The following EMB variants were observed in gnomAD, a reference collection of about 807,000 sequenced individuals.
The protein encoded by EMB is embigin, also known as embigin homolog.
Under a neutral mutation model 41.4 loss-of-function variants are expected in EMB, and 31 were observed. The ratio of observed to expected loss-of-function variants is 0.75; its 90% confidence interval spans 0.56 to 1.01. EMB has a LOEUF of 1.01. Ranked by LOEUF, EMB falls within the 50% of genes least tolerant of loss-of-function variation. The pLI, the probability that EMB is intolerant of heterozygous loss-of-function variation, is 0.00. For missense variants in EMB, 379 were observed against 388.3 expected, an observed-to-expected ratio of 0.98 and a Z score of 0.20; for synonymous variants, 137 against 140.4, an observed-to-expected ratio of 0.98 and a Z score of 0.17.
At position 50,410,876 on chromosome 5, in the gene EMB, C is replaced by A. The variant is rs773161923; in HGVS notation, c.472+1G>T. On this transcript the variant is annotated splice_donor_variant, in intron 4 of 8. Coordinates refer to ENST00000303221, the MANE Select transcript of EMB (RefSeq NM_198449.3). LOFTEE classifies it high-confidence loss of function. ...CTATTCCTCAAGTTATTAATACTGA[C>A]CTTTGAAATTAAATGTTCCCCTTTG... is the stretch of plus-strand genomic sequence containing the variant. 13 of 1,572,220 alleles carry A rather than the reference C, an allele frequency of 8.3e-6. No homozygotes were observed. Among genetic ancestry groups the A allele is most frequent in the Non-Finnish European group, 1.1e-5 (13 of 1,153,952 alleles).
intron 2 of EMB, among the ~76,000 whole-genome samples, chr5:50,420,395 G>A (rs953636472): frequency 1.3e-5 from 2 of 152,154 alleles, no homozygotes; most frequent in Non-Finnish European, 2.9e-5. Flanking sequence ...ATGTCTCATG[G>A]TATCAACTTC....
At chr5:50,403,893 G>A (rs1286095375) in intron 5 of EMB, among the ~76,000 whole-genome samples, 5 of 151,748 alleles carry the variant, frequency 3.3e-5, no homozygotes, top group African/African-American at 7.3e-5. Flanking sequence ...AAGGAAAATC[G>A]CTCACTCAGA....
Position 50,398,887 on chromosome 5 carries a change from A to T in EMB, c.*386T>A, listed in dbSNP as rs1361514000. 1 of 156,124 alleles carries T rather than the reference A, an allele frequency of 6.4e-6. No individual in the cohort carries two copies. The highest frequency in any genetic ancestry group is 2.4e-5 in the African/African-American group (1 of 41,646). 9.7% of individuals were successfully genotyped at this position (156,124 alleles called of 1,614,324 possible). ...TAAGTATGATTTTTTTTTAAAAAAT[A>T]ACTTTCTAAGACAAATGGCAAAGGC... On this transcript the variant is annotated 3_prime_UTR_variant, in exon 9 of 9. Transcript: ENST00000303221.
chr5:50,426,252 C>G (rs1354863633), intron 2 of EMB, among the ~76,000 whole-genome samples: 1 of 152,210 alleles, frequency 6.6e-6, no homozygotes, highest in Non-Finnish European at 1.5e-5. Context: ...TGATCCTGGT[C>G]AGTTCACTTC....
chr5:50,438,403 T>A (rs1030354165), intron 1 of EMB, among the ~76,000 whole-genome samples: 1 of 152,096 alleles, frequency 6.6e-6, no homozygotes, highest in African/African-American at 2.4e-5. Flanking sequence ...CTGAGATGAA[T>A]TTTGAAAGGT....
At chr5:50,435,501 C>T (rs1319855089) in intron 1 of EMB, among the ~76,000 whole-genome samples, 2 of 152,148 alleles carry the variant, frequency 1.3e-5, no homozygotes, top group Non-Finnish European at 2.9e-5. Context: ...AACCTTGACA[C>T]TTTTTAAAAT....
chr5:50,403,954 G>A (rs1561130886), intron 5 of EMB, among the ~76,000 whole-genome samples: 1 of 151,830 alleles, frequency 6.6e-6, no homozygotes, highest in Non-Finnish European at 1.5e-5. Flanking sequence ...CAGGCTTTTG[G>A]AGCTGATGTA....
intron 2 of EMB, chr5:50,412,112 C>T (rs924243394): frequency 2.0e-5 from 3 of 151,796 alleles, no homozygotes; most frequent in Non-Finnish European, 2.9e-5. Context: ...TAAACTTGTA[C>T]CTAAAAAGTA....
At chr5:50,439,717 G>C (rs1450369193) in intron 1 of EMB, among the ~76,000 whole-genome samples, 1 of 152,042 alleles carries the variant, frequency 6.6e-6, no homozygotes, top group Non-Finnish European at 1.5e-5. Flanking sequence ...CGTTTTAAAA[G>C]GCATTTATAA....
At chr5:50,408,130 A>C (rs931803906) in intron 4 of EMB, among the ~76,000 whole-genome samples, 12 of 152,022 alleles carry the variant, frequency 7.9e-5, no homozygotes, top group Non-Finnish European at 1.2e-4. Flanking sequence ...AGGGGAAGAC[A>C]GATAGTTGAG....
chr5:50,417,649 T>C (rs1361882883), intron 2 of EMB, among the ~76,000 whole-genome samples: 1 of 152,206 alleles, frequency 6.6e-6, no homozygotes, highest in African/African-American at 2.4e-5. Flanking sequence ...TATACCTTGA[T>C]ATACTTTTTT....
At position 50,411,303 on chromosome 5, in the gene EMB, ATGT is replaced by A. The variant is rs1179514956; in HGVS notation, c.274_276del (p.Thr92del). ...ACATTTACTGCATTCAAATCCCCAG[ATGT>A]TGTGAACTGGCATGTGAGATTTACA... On this transcript the variant is annotated inframe_deletion, in exon 3 of 9. Coordinates refer to ENST00000303221, the MANE Select transcript of EMB (RefSeq NM_198449.3). The A allele has an allele frequency of 6.2e-7, 1 of 1,613,144 alleles. No homozygotes were observed. The highest frequency in any genetic ancestry group is 8.5e-7 in the Non-Finnish European group (1 of 1,179,432).
At chr5:50,430,810 G>A (rs1172694233) in intron 1 of EMB, among the ~76,000 whole-genome samples, 1 of 152,132 alleles carries the variant, frequency 6.6e-6, no homozygotes, top group Non-Finnish European at 1.5e-5. Flanking sequence ...CCAGGAAGAT[G>A]AGCTCCAATG....
chr5:50,417,507 A>G (rs1429305671), intron 2 of EMB, among the ~76,000 whole-genome samples: 1 of 152,222 alleles, frequency 6.6e-6, no homozygotes, highest in East Asian at 1.9e-4. Flanking sequence ...CCATCTGATT[A>G]GTGCCACACC....
Position 50,441,258 on chromosome 5 carries a change from C to T in EMB, c.-107G>A. On this transcript the variant is annotated 5_prime_UTR_variant, in exon 1 of 9. Coordinates refer to ENST00000303221, the MANE Select transcript of EMB (RefSeq NM_198449.3). ...CTCGCAGGTGGCCCGGCGCTCGCAG[C>T]CAGTGCCGCGGGTAGGACGCTGAAG... The T allele has an allele frequency of 1.7e-6, 1 of 589,796 alleles. No individual in the cohort carries two copies. The allele number at this position is 589,796 out of a possible 1,614,324, so 36.5% of individuals were successfully genotyped here.
chr5:50,425,390 C>A (rs1246151502), intron 2 of EMB, among the ~76,000 whole-genome samples: 2 of 151,986 alleles, frequency 1.3e-5, no homozygotes, highest in Non-Finnish European at 2.9e-5. Flanking sequence ...GTGATTCCAA[C>A]GTTAACAAGT....
At chr5:50,425,892 C>T (rs777090052) in intron 2 of EMB, among the ~76,000 whole-genome samples, 18 of 152,038 alleles carry the variant, frequency 1.2e-4, no homozygotes, top group Non-Finnish European at 2.1e-4. Context: ...CTATGTTGGC[C>T]AGGCTGGTCT....
At chr5:50,441,290 C>G, upstream of EMB, 1 of 456,760 alleles carries the variant, frequency 2.2e-6, no homozygotes, top group Non-Finnish European at 3.6e-6. Context: ...GAAGAAAAGG[C>G]GGAATGGGAG....
chr5:50,428,075 G>T lies in EMB; in HGVS notation c.196+69C>A. On this transcript the variant is annotated intron_variant, in intron 2 of 8. Transcript: ENST00000303221. ...CCACTTCGCAAAGCAAAAAGCAGTA[G>T]CTTTGTTTAAGAAAAATTGCTTAAA... The T allele has an allele frequency of 3.6e-6, 4 of 1,118,306 alleles. No individual in the cohort carries two copies. The South Asian group carries it at 5.5e-5, about 15-fold the overall frequency. The allele number at this position is 1,118,306 out of a possible 1,614,324, so 69.3% of individuals were successfully genotyped here.
Sources: allele counts gnomAD v4.1 joint callset (sites outside exome capture counted in the v4.1 genomes callset), GRCh38; gene constraint gnomAD v4.1.1; transcripts MANE v1.5; gene names NCBI Gene and HGNC (gene_info 2026-07-23, HGNC 2026-07-21).